Variants in PHLDB2 observed in about 807,000 individuals in gnomAD.
The protein encoded by PHLDB2 is pleckstrin homology-like domain family B member 2.
A neutral mutation model predicts 123.6 loss-of-function variants in PHLDB2; 71 were observed. The observed-to-expected ratio is 0.57, with a 90% CI of 0.47 to 0.70. PHLDB2 has a LOEUF of 0.70. PHLDB2 is among the 30% of genes least tolerant of loss of function. The pLI is 0.00. For missense variants in PHLDB2, 1,446 were observed against 1,519.5 expected, an observed-to-expected ratio of 0.95 and a Z score of 0.80; for synonymous variants, 547 against 541.6, an observed-to-expected ratio of 1.01 and a Z score of -0.14.
intron 13 of PHLDB2, among the ~76,000 whole-genome samples, chr3:111,963,768 A>C (rs1311957523): frequency 6.6e-6 from 1 of 152,240 alleles, no homozygotes; most frequent in Admixed American, 6.5e-5. Flanking sequence ...ATATTTTAGT[A>C]CATAAGTTAA....
intron 2 of PHLDB2, among the ~76,000 whole-genome samples, chr3:111,905,238 G>A (rs563416585): frequency 5.9e-5 from 9 of 152,276 alleles, no homozygotes; most frequent in Admixed American, 2.0e-4. Flanking sequence ...ATTTTGTTCT[G>A]GGGATAGGTG....
rs866610912 is a variant in PHLDB2 at position 111,794,011 on chromosome 3, A to T, written c.-48-51810A>T. Among the ~76,000 whole-genome samples the T allele has an allele frequency of 1.7e-4, 26 of 151,918 alleles. 1 individual carries two copies. The highest frequency in any genetic ancestry group is 8.5e-4 in the Admixed American group (13 of 15,262). On this transcript the variant is annotated intron_variant, in intron 1 of 17. Transcript: ENST00000393923. ...AACTCAAGCACTACCTTGTCATCCCAGCTGGTGTCTCACTAGGTTGTGTGT... is the reference window on the plus strand; with the variant it reads ...AACTCAAGCACTACCTTGTCATCCCTGCTGGTGTCTCACTAGGTTGTGTGT...
At chr3:111,953,855 A>G in intron 11 of PHLDB2, 75 bp from the exon 12 acceptor site, 2 of 1,144,922 alleles carry the variant, frequency 1.7e-6, no homozygotes, top group South Asian at 1.3e-5. Flanking sequence ...AGCTTTGGAA[A>G]CAGGGATGTG....
intron 2 of PHLDB2, among the ~76,000 whole-genome samples, chr3:111,910,275 C>T (rs763056552): frequency 2.0e-5 from 3 of 151,474 alleles, no homozygotes; most frequent in Admixed American, 6.6e-5. Context: ...ATGGGAATGG[C>T]GAAAAAAATA....
intron 1 of PHLDB2, among the ~76,000 whole-genome samples, chr3:111,830,127 C>T (rs1206288990): frequency 6.6e-6 from 1 of 152,156 alleles, no homozygotes; most frequent in East Asian, 1.9e-4. Context: ...AAATTTGGAG[C>T]AGGCCTCCAC....
intron 1 of PHLDB2, among the ~76,000 whole-genome samples, chr3:111,752,642 T>C (rs1350888568): frequency 2.9e-5 from 4 of 137,386 alleles, no homozygotes; most frequent in African/African-American, 1.4e-4. Flanking sequence ...TTATTATTAT[T>C]TTATTTTATT....
At chr3:111,777,964 A>G (rs1044869219) in intron 1 of PHLDB2, among the ~76,000 whole-genome samples, 1 of 152,018 alleles carries the variant, frequency 6.6e-6, no homozygotes, top group African/African-American at 2.4e-5. Flanking sequence ...ACCATTTAAC[A>G]AACTCCAGCA....
intron 1 of PHLDB2, among the ~76,000 whole-genome samples, chr3:111,820,812 A>G (rs1157089294): frequency 6.6e-6 from 1 of 152,256 alleles, no homozygotes; most frequent in East Asian, 1.9e-4. Flanking sequence ...TGTGAGAACT[A>G]TGGCACATAT....
chr3:111,822,252 A>G (rs1195505130), intron 1 of PHLDB2, among the ~76,000 whole-genome samples: 1 of 98,558 alleles, frequency 1.0e-5, no homozygotes, highest in Non-Finnish European at 1.8e-5. Context: ...TTTGCATCAG[A>G]AAAAAAAAAT....
intron 15 of PHLDB2, among the ~76,000 whole-genome samples, chr3:111,968,658 C>T (rs534569811): frequency 1.8e-4 from 28 of 152,304 alleles, no homozygotes; most frequent in African/African-American, 5.5e-4. Context: ...TAGAGACTAT[C>T]TTTAAGACTT....
intron 2 of PHLDB2, among the ~76,000 whole-genome samples, chr3:111,897,747 A>G (rs2066956031): frequency 1.3e-5 from 2 of 152,346 alleles, no homozygotes; most frequent in African/African-American, 4.8e-5. Flanking sequence ...TTTCCATCAG[A>G]TCACGAAGAC....
At chr3:111,839,943 T>C (rs1046911326) in intron 1 of PHLDB2, among the ~76,000 whole-genome samples, 1 of 121,446 alleles carries the variant, frequency 8.2e-6, no homozygotes, top group Non-Finnish European at 1.6e-5. Context: ...ACCCCCGCTT[T>C]TTTTTTTTTT....
At chr3:111,937,776 T>C (rs1157430622) in intron 6 of PHLDB2, among the ~76,000 whole-genome samples, 1 of 119,750 alleles carries the variant, frequency 8.4e-6, no homozygotes, top group Non-Finnish European at 1.8e-5. Context: ...CCCTGTCTTC[T>C]AAAAAAAAAA....
At chr3:111,930,272 G>A (rs1053078947) in intron 5 of PHLDB2, among the ~76,000 whole-genome samples, 1 of 151,904 alleles carries the variant, frequency 6.6e-6, no homozygotes, top group East Asian at 1.9e-4. Context: ...GAGTACTTTT[G>A]TTATTTCTTC....
intron 1 of PHLDB2, among the ~76,000 whole-genome samples, chr3:111,756,249 T>C (rs2059886822): frequency 6.6e-6 from 1 of 151,662 alleles, no homozygotes; most frequent in Non-Finnish European, 1.5e-5. Flanking sequence ...ATGTTGACAG[T>C]GGGGTGTTAA....
intron 1 of PHLDB2, among the ~76,000 whole-genome samples, chr3:111,747,389 C>T (rs1454463337): frequency 6.6e-6 from 1 of 151,924 alleles, no homozygotes; most frequent in Non-Finnish European, 1.5e-5. Context: ...CCAAATATAT[C>T]TACATTGGTA....
In PHLDB2 at chr3:111,842,285, G is replaced by T. The variant is rs1028900743; in HGVS notation, c.-48-3536G>T. On this transcript the variant is annotated intron_variant, in intron 1 of 17. Coordinates refer to the PHLDB2 transcript ENST00000393923. ...TTTTTTCTTTAAAGACTATTTTTTG[G>T]TTCACAGCAAAATTGAGATGAAGGT... 1.3e-5 allele frequency among the ~76,000 whole-genome samples: 2 copies of T among 151,656 alleles called. 1 individual carries two copies. Among genetic ancestry groups the T allele is most frequent in the South Asian group, 4.2e-4 (2 of 4,814 alleles).
intron 1 of PHLDB2, among the ~76,000 whole-genome samples, chr3:111,839,281 G>A (rs1416502289): frequency 6.6e-6 from 1 of 152,124 alleles, no homozygotes; most frequent in Admixed American, 6.5e-5. Context: ...ATATTATTGG[G>A]ATAATTAACT....
intron 1 of PHLDB2, among the ~76,000 whole-genome samples, chr3:111,744,191 G>A (rs769289367): frequency 1.3e-5 from 2 of 152,168 alleles, no homozygotes; most frequent in Non-Finnish European, 2.9e-5. Flanking sequence ...ATAATGATAT[G>A]AAGAAATGTT....
Sources: allele counts gnomAD v4.1 joint callset (sites outside exome capture counted in the v4.1 genomes callset), GRCh38; gene constraint gnomAD v4.1.1; transcripts MANE v1.5; gene names NCBI Gene and HGNC (gene_info 2026-07-23, HGNC 2026-07-21).